Variants in ANKHD1 observed in about 807,000 individuals in gnomAD.
The protein encoded by ANKHD1 is ankyrin repeat and KH domain containing 1.
Under a neutral mutation model 230.5 loss-of-function variants are expected in ANKHD1, and 31 were observed. The observed-to-expected ratio is 0.13, with a 90% confidence interval of 0.10 to 0.18. ANKHD1 has a LOEUF of 0.18. ANKHD1 is among the 10% of genes least tolerant of loss of function. ANKHD1 has a pLI of 1.00. For missense variants in ANKHD1, 2,256 were observed against 3,071.3 expected (o/e 0.73, Z 6.27); for synonymous variants, 1,074 against 1,117.6 (o/e 0.96, Z 0.78).
intron 9 of ANKHD1, among the ~76,000 whole-genome samples, chr5:140,459,626 A>G (rs1043503764): frequency 1.3e-5 from 2 of 152,138 alleles, no homozygotes; most frequent in African/African-American, 2.4e-5. Context: ...AATTGCTAAG[A>G]GTAGATTTAA....
At chr5:140,414,694 A>G (rs960079185) in intron 1 of ANKHD1, among the ~76,000 whole-genome samples, 2 of 152,084 alleles carry the variant, frequency 1.3e-5, no homozygotes, top group African/African-American at 4.8e-5. Context: ...TTAGCCAGGC[A>G]TGGTGGCACA....
intron 1 of ANKHD1, among the ~76,000 whole-genome samples, chr5:140,423,908 A>G (rs1193252216): frequency 1.3e-5 from 2 of 152,156 alleles, no homozygotes; most frequent in African/African-American, 4.8e-5. Context: ...GCTTTATTGT[A>G]AAGCACATTT....
At chr5:140,410,302 A>T (rs1214519203) in intron 1 of ANKHD1, among the ~76,000 whole-genome samples, 2 of 152,168 alleles carry the variant, frequency 1.3e-5, no homozygotes, top group Non-Finnish European at 2.9e-5. Flanking sequence ...AGACTTTTTT[A>T]AAAAATTAAA....
At position 140,538,211 on chromosome 5, in the gene ANKHD1, T is replaced by G. The variant is rs1182085292; in HGVS notation, c.7354T>G (p.Ser2452Ala). ...AGATGATTCTGGAATGGTAGCCCCC[T>G]CTAACATTTTTCATCAGCCTATGGC... is the stretch of plus-strand genomic sequence containing the variant. ...ERDDSGMVAP[S>A]NIFHQPMASG... The change falls in exon 32 of 34, where the codon TCT becomes GCT. Residue 2452 changes from serine to alanine, a missense_variant. Around this residue, in one of 13 missense-constraint regions of ANKHD1, gnomAD observed 778 missense variants for 966.5 expected, o/e 0.80. Transcript: ENST00000360839. 1 of 1,614,150 alleles carries G rather than the reference T, an allele frequency of 6.2e-7. No homozygotes were observed. The highest frequency in any genetic ancestry group is 1.1e-5 in the South Asian group (1 of 91,084).
At chr5:140,407,724 TG>T (rs1770584173) in intron 1 of ANKHD1, among the ~76,000 whole-genome samples, 1 of 152,202 alleles carries the variant, frequency 6.6e-6, no homozygotes, top group Non-Finnish European at 1.5e-5. Flanking sequence ...ATTTTAGAAT[TG>T]TGGTCTTTTA....
At chr5:140,513,967 G>C (rs1461517803) in intron 24 of ANKHD1, among the ~76,000 whole-genome samples, 1 of 151,832 alleles carries the variant, frequency 6.6e-6, no homozygotes, top group African/African-American at 2.4e-5. Flanking sequence ...AGTGAGCTGT[G>C]ATTGTGCCAC....
intron 22 of ANKHD1, among the ~76,000 whole-genome samples, chr5:140,511,390 T>C (rs192517817): frequency 2.6e-5 from 4 of 152,330 alleles, no homozygotes; most frequent in Non-Finnish European, 4.4e-5. Flanking sequence ...TTTCTTTTCC[T>C]GAAATGATTT....
chr5:140,510,058 G>A lies in ANKHD1; in HGVS notation c.3981G>A (p.Thr1327=), dbSNP rs901606215. 8 of 1,613,796 alleles carry A rather than the reference G, an allele frequency of 5.0e-6. No homozygotes were observed. In the African/African-American group the frequency reaches 6.7e-5, roughly 13 times the overall value. Residue 1327 remains threonine (T), a synonymous_variant, in exon 22 of 34, where the codon ACG becomes ACA. Coordinates refer to ENST00000360839, the MANE Select transcript of ANKHD1 (RefSeq NM_017747.3). Reference sequence around the variant, plus strand: ...ATGTTCGTAACAAAAAGGGAAATACGCCACTTTGGCTGGCATCCAATGGAG... The same window carrying A: ...ATGTTCGTAACAAAAAGGGAAATACACCACTTTGGCTGGCATCCAATGGAG... The part of the protein sequence containing the change: ...HIDVRNKKGN[T]PLWLASNGGH...
At chr5:140,425,275 TA>T (rs1772311893) in intron 1 of ANKHD1, among the ~76,000 whole-genome samples, 1 of 152,226 alleles carries the variant, frequency 6.6e-6, no homozygotes, top group Non-Finnish European at 1.5e-5. Flanking sequence ...TACTGTTTTT[TA>T]TTAAGACAGG....
chr5:140,485,809 T>G lies in ANKHD1; in HGVS notation c.2142+77T>G. ...AGAAGTTTTTGTTTAAAATCAGTTT[T>G]AAGCAAAATGGACTTGTTTTTATTC... On this transcript the variant is annotated intron_variant, in intron 13 of 33. Transcript: ENST00000360839. This position sits in a 1 kb window ranked among gnomAD's most constrained non-coding sequence, Gnocchi z 4.8. The G allele has an allele frequency of 1.3e-6, 2 of 1,571,392 alleles. No homozygotes were observed. The highest frequency in any genetic ancestry group is 4.6e-5 in the East Asian group (2 of 43,836).
At chr5:140,514,913 A>G (rs1031890409) in intron 24 of ANKHD1, among the ~76,000 whole-genome samples, 1 of 151,548 alleles carries the variant, frequency 6.6e-6, no homozygotes, top group Admixed American at 6.6e-5. Flanking sequence ...TTGAGGCTGC[A>G]ATGAGCTATG....
chr5:140,472,539 GATTTTCTT>G (rs1398974931), intron 10 of ANKHD1: 2 of 1,043,244 alleles, frequency 1.9e-6, no homozygotes, highest in East Asian at 7.4e-5. Context: ...GGTGAAAATA[GATTTTCTT>G]ATTCAGGTAG....
intron 20 of ANKHD1, among the ~76,000 whole-genome samples, chr5:140,508,727 G>C (rs555032457): frequency 6.6e-6 from 1 of 151,852 alleles, no homozygotes; most frequent in East Asian, 1.9e-4. Context: ...TTGCACTCCA[G>C]CCCGTGCAAC....
intron 9 of ANKHD1, among the ~76,000 whole-genome samples, chr5:140,464,196 A>C (rs1171736148): frequency 1.3e-5 from 2 of 150,342 alleles, no homozygotes; most frequent in African/African-American, 4.9e-5. Flanking sequence ...ATGCCACTGC[A>C]CTCCAGCCTG....
chr5:140,453,254 G>C (rs1774893516), intron 7 of ANKHD1, among the ~76,000 whole-genome samples: 1 of 152,232 alleles, frequency 6.6e-6, no homozygotes, highest in Non-Finnish European at 1.5e-5. Context: ...ACCTGAAAGT[G>C]ACGGGGAGAA....
At chr5:140,436,069 G>C in intron 1 of ANKHD1, 35 bp from the exon 2 acceptor site, 1 of 1,477,216 alleles carries the variant, frequency 6.8e-7, no homozygotes, top group Non-Finnish European at 9.0e-7. Flanking sequence ...ATTGATATCA[G>C]TTTCATGGAT....
chr5:140,486,067 T>A, intron 13 of ANKHD1: 1 of 250,142 alleles, frequency 4.0e-6, no homozygotes. Context: ...TTCTTTTTTC[T>A]TTTGTTTTTT....
chr5:140,538,629 C>A (rs976516474), intron 32 of ANKHD1, among the ~76,000 whole-genome samples: 1 of 152,160 alleles, frequency 6.6e-6, no homozygotes, highest in African/African-American at 2.4e-5. Flanking sequence ...CAAGCTTATT[C>A]ATGAAACTAA....
At position 140,537,785 on chromosome 5, in the gene ANKHD1, T is replaced by C. The variant is rs983958074; in HGVS notation, c.7228+196T>C. 25 of 965,494 alleles carry C rather than the reference T, an allele frequency of 2.6e-5. No individual in the cohort carries two copies. The African/African-American group carries it at 2.8e-4, about 11-fold the overall frequency. 59.8% of individuals were successfully genotyped at this position (965,494 alleles called of 1,614,324 possible). ...CTGGAATATTGGTTGAGGTAATACA[T>C]AGAGTTAATCAGAAACAAAAGATTC... is the stretch of plus-strand genomic sequence containing the variant. On this transcript the variant is annotated intron_variant, in intron 31 of 33. Coordinates refer to ENST00000360839, the MANE Select transcript of ANKHD1 (RefSeq NM_017747.3).
Sources: gnomAD v4.1 joint callset for allele counts (sites outside exome capture counted in the v4.1 genomes callset) on GRCh38, gnomAD v4.1.1 for gene constraint, gnomAD v4.1.1 regional missense constraint, Gnocchi (gnomAD v3.1) non-coding constraint, MANE v1.5 for transcripts, NCBI Gene and HGNC (gene_info 2026-07-23, HGNC 2026-07-21) for gene names.